Variants in HIPK3 observed in about 807,000 individuals in gnomAD.
HIPK3 encodes the protein homeodomain interacting protein kinase 3, also known as homeodomain-interacting protein kinase 3.
In HIPK3, 47 loss-of-function variants were observed where a neutral mutation model predicts 124.2. The observed-to-expected ratio is 0.38, with a 90% CI of 0.30 to 0.48. The LOEUF is 0.48. HIPK3 is among the 20% of genes least tolerant of loss of function. The pLI, the probability that HIPK3 is intolerant of heterozygous loss-of-function variation, is 0.98. For missense variants in HIPK3, 1,286 were observed against 1,454.3 expected, an observed-to-expected ratio of 0.88 and a Z score of 1.88; for synonymous variants, 482 against 515.2, an observed-to-expected ratio of 0.94 and a Z score of 0.87.
intron 2 of HIPK3, among the ~76,000 whole-genome samples, chr11:33,325,992 GT>G (rs1283219228): frequency 1.3e-5 from 2 of 152,232 alleles, no homozygotes; most frequent in African/African-American, 2.4e-5. Flanking sequence ...CGTGGCTCTT[GT>G]TTTCAACAAA....
At chr11:33,335,793 C>T (rs1357132608) in intron 3 of HIPK3, 1 of 151,982 alleles carries the variant, frequency 6.6e-6, no homozygotes, top group Non-Finnish European at 1.5e-5. Flanking sequence ...TGCACTTATT[C>T]TCAAATACAG....
chr11:33,281,309 C>T (rs555049292), intron 1 of HIPK3, among the ~76,000 whole-genome samples: 23 of 151,954 alleles, frequency 1.5e-4, no homozygotes, highest in Non-Finnish European at 2.4e-4. Context: ...AAAATATAAG[C>T]GTATTCAAAA....
rs1260929744 is a variant in HIPK3, at chr11:33,257,646, G to C, written c.-246G>C. ...CCCGGGAAGGAAGATGAGGGAGACGGGCCCGGCGCTTAGCAGCCAGAGCAG... is the reference window on the plus strand; with the variant it reads ...CCCGGGAAGGAAGATGAGGGAGACGCGCCCGGCGCTTAGCAGCCAGAGCAG... On this transcript the variant is annotated 5_prime_UTR_variant, in exon 1 of 17. Coordinates refer to ENST00000303296, the MANE Select transcript of HIPK3 (RefSeq NM_005734.5). 6.1e-6 allele frequency: 6 copies of C among 991,434 alleles called. No homozygotes were observed. Among genetic ancestry groups the C allele is most frequent in the Non-Finnish European group, 6.0e-6 (5 of 834,314 alleles). 61.4% of individuals were successfully genotyped at this position (991,434 alleles called of 1,614,324 possible).
chr11:33,318,207 A>G (rs952873315), intron 2 of HIPK3, among the ~76,000 whole-genome samples: 2 of 137,756 alleles, frequency 1.5e-5, no homozygotes, highest in African/African-American at 4.9e-5. Flanking sequence ...ATAAAAGTCC[A>G]ATAGTTTTTT....
chr11:33,263,555 A>C (rs551141697), intron 1 of HIPK3, among the ~76,000 whole-genome samples: 1 of 152,146 alleles, frequency 6.6e-6, no homozygotes, highest in South Asian at 2.1e-4. Context: ...GCCTCAAGTG[A>C]TCTGCCCACC....
Position 33,286,615 on chromosome 11 carries a change from A to T in HIPK3, c.201A>T (p.Pro67=). ...GTAGTGCTTTTCAGACAAAGATACC[A>T]TTTAATAGACCTCGAGGACACAACT... ...TKGSAFQTKI[P]FNRPRGHNFS... The change falls in exon 2 of 17, where the codon CCA becomes CCT. Residue 67 remains proline (P), a synonymous_variant. Coordinates refer to ENST00000303296, the MANE Select transcript of HIPK3 (RefSeq NM_005734.5). 6.2e-7 allele frequency: 1 copy of T among 1,614,120 alleles called. No homozygotes were observed. The highest frequency in any genetic ancestry group is 1.1e-5 in the South Asian group (1 of 91,084).
At chr11:33,261,868 C>A (rs2133861074) in intron 1 of HIPK3, among the ~76,000 whole-genome samples, 1 of 152,272 alleles carries the variant, frequency 6.6e-6, no homozygotes, top group South Asian at 2.1e-4. Flanking sequence ...TCTCTGCAAC[C>A]TCATCAGCAT....
At chr11:33,305,332 T>C (rs747203704) in intron 2 of HIPK3, among the ~76,000 whole-genome samples, 15 of 152,232 alleles carry the variant, frequency 9.9e-5, no homozygotes, top group Non-Finnish European at 2.1e-4. Flanking sequence ...CACTACTCTG[T>C]ATTACCTTGA....
chr11:33,344,562 A>G (rs1458934765), intron 8 of HIPK3, among the ~76,000 whole-genome samples: 4 of 152,224 alleles, frequency 2.6e-5, no homozygotes, highest in Non-Finnish European at 5.9e-5. Context: ...AAAAGTTAGA[A>G]ACCTTTCTGT....
At position 33,286,499 on chromosome 11, in the gene HIPK3, G is replaced by C; in HGVS notation, c.85G>C (p.Glu29Gln). Residue 29 changes from glutamate (E) to glutamine (Q), a missense_variant, in exon 2 of 17, where the codon GAG (glutamate) becomes CAG (glutamine). Glu to Gln is a conservative substitution (Grantham distance 29, BLOSUM62 2). Around this residue, in one of 3 missense-constraint regions of HIPK3, gnomAD observed 225 missense variants for 240.3 expected, o/e 0.94. Coordinates refer to ENST00000303296, the MANE Select transcript of HIPK3 (RefSeq NM_005734.5). ...AFCSVKKLKV[E>Q]PSSCVFQERN... ...TTGTAGTGTGAAGAAACTCAAAGTA[G>C]AGCCAAGCAGTTGTGTATTCCAGGA... 1.2e-6 allele frequency: 2 copies of C among 1,610,816 alleles called. No homozygotes were observed. The highest frequency in any genetic ancestry group is 1.7e-6 in the Non-Finnish European group (2 of 1,179,600).
At chr11:33,342,041 T>G (rs921445562) in intron 8 of HIPK3, among the ~76,000 whole-genome samples, 1 of 140,060 alleles carries the variant, frequency 7.1e-6, no homozygotes, top group African/African-American at 2.7e-5. Context: ...AAGTGGAGGT[T>G]GCAGAGAGCC....
At position 33,319,785 on chromosome 11, in the gene HIPK3, C is replaced by T. The variant is rs1852611188; in HGVS notation, c.1098-8725C>T. Among the ~76,000 whole-genome samples the T allele has an allele frequency of 4.6e-5, 7 of 152,234 alleles. No homozygotes were observed. The South Asian group carries it at 1.2e-3, about 27-fold the overall frequency. Reference sequence around the variant, plus strand: ...AGCATTAAAAGAATTAAAGTTCTTGCCCCCATGGAATTTATGTTCTAGTGG... The same window carrying T: ...AGCATTAAAAGAATTAAAGTTCTTGTCCCCATGGAATTTATGTTCTAGTGG... On this transcript the variant is annotated intron_variant, in intron 2 of 16. Coordinates refer to ENST00000303296, the MANE Select transcript of HIPK3 (RefSeq NM_005734.5).
chr11:33,341,508 C>T (rs892343115), intron 7 of HIPK3, 55 bp from the exon 8 acceptor site: 2 of 1,452,908 alleles, frequency 1.4e-6, no homozygotes, highest in African/African-American at 2.9e-5. Context: ...TCTATTTATA[C>T]AGCGTGTATA....
At chr11:33,298,687 T>A (rs966761464) in intron 2 of HIPK3, among the ~76,000 whole-genome samples, 31 of 152,228 alleles carry the variant, frequency 2.0e-4, no homozygotes, top group African/African-American at 7.5e-4. Context: ...TTCGAGGGGT[T>A]CAAGACTTCA....
chr11:33,277,877 G>C (rs1851312150), intron 1 of HIPK3, among the ~76,000 whole-genome samples: 1 of 152,134 alleles, frequency 6.6e-6, no homozygotes, highest in South Asian at 2.1e-4. Flanking sequence ...GACTTGGCTT[G>C]TATTTCCTGT....
rs779796961 is a variant in HIPK3 at position 33,286,865 on chromosome 11, C to A, written c.451C>A (p.Pro151Thr). 2 of 1,614,120 alleles carry A rather than the reference C, an allele frequency of 1.2e-6. No homozygotes were observed. The highest frequency in any genetic ancestry group is 1.7e-5 in the Admixed American group (1 of 60,014). ...GATTGTCGATGAATTGTCCATACTT[C>A]CTGCAATGTTGCAAACCAACATGGG... ...MQIVDELSIL[P>T]AMLQTNMGNP... Residue 151 changes from proline (P) to threonine (T), a missense_variant, in exon 2 of 17, where the codon CCT becomes ACT. Physicochemically the swap from Pro to Thr is conservative, Grantham distance 38. Around this residue, in one of 3 missense-constraint regions of HIPK3, gnomAD observed 225 missense variants for 240.3 expected, o/e 0.94. Transcript: ENST00000303296.
chr11:33,296,829 A>G (rs1415688224), intron 2 of HIPK3, among the ~76,000 whole-genome samples: 1 of 152,212 alleles, frequency 6.6e-6, no homozygotes, highest in African/African-American at 2.4e-5. Context: ...AAAGTAGGCC[A>G]GTTAGTAACC....
chr11:33,282,426 A>G (rs1851434813), intron 1 of HIPK3, among the ~76,000 whole-genome samples: 1 of 151,990 alleles, frequency 6.6e-6, no homozygotes, highest in Non-Finnish European at 1.5e-5. Flanking sequence ...TCATGCCTGT[A>G]ATCTCAGCAC....
At chr11:33,295,539 C>T (rs1032511646) in intron 2 of HIPK3, among the ~76,000 whole-genome samples, 4 of 152,388 alleles carry the variant, frequency 2.6e-5, no homozygotes, top group East Asian at 1.9e-4. Context: ...TCGGAGTCAG[C>T]GCACCTGCGC....
Sources: allele counts gnomAD v4.1 joint callset (sites outside exome capture counted in the v4.1 genomes callset), GRCh38; gene constraint gnomAD v4.1.1; regional missense constraint gnomAD v4.1.1; transcripts MANE v1.5; gene names NCBI Gene and HGNC (gene_info 2026-07-23, HGNC 2026-07-21).